The following IFT74 variants were observed in gnomAD, a reference collection of about 807,000 sequenced individuals.
The protein encoded by IFT74 is intraflagellar transport 74.
IFT74 carries 92 observed loss-of-function variants against 96.7 expected under a neutral mutation model. The observed-to-expected ratio is 0.95, with a 90% CI of 0.80 to 1.13. IFT74 has a LOEUF of 1.13. Ranked by LOEUF, IFT74 falls within the 50% of genes most tolerant of loss-of-function variation. The probability of loss-of-function intolerance (pLI) is 0.00; values close to 1 mark genes in which losing one functional copy is unlikely to be tolerated. For missense variants in IFT74, 811 were observed against 698.2 expected (o/e 1.16, Z -1.82); for synonymous variants, 223 against 213.2 (o/e 1.05, Z -0.40).
chr9:27,011,889 T>TC lies in IFT74; in HGVS notation c.727-17_727-16insC. 1 of 1,496,006 alleles carries TC rather than the reference T, an allele frequency of 6.7e-7. No homozygotes were observed. Among genetic ancestry groups the TC allele is most frequent in the Admixed American group, 2.3e-5 (1 of 43,794 alleles). 92.7% of individuals were successfully genotyped at this position (1,496,006 alleles called of 1,614,324 possible). A position where few individuals can be genotyped will look rare whatever the true frequency, so the allele number is the denominator to read the frequency against. ...AATGTAATTTGGATTTATGTTTGCTTTTTTTTTTCCACTTAGGAATTAGAT... is the reference window on the plus strand; with the variant it reads ...AATGTAATTTGGATTTATGTTTGCTTCTTTTTTTTCCACTTAGGAATTAGAT... On this transcript the variant is annotated splice_polypyrimidine_tract_variant and intron_variant, in intron 9 of 19. Transcript: ENST00000380062.
chr9:26,973,013 C>T (rs961414128), intron 2 of IFT74, among the ~76,000 whole-genome samples: 5 of 152,158 alleles, frequency 3.3e-5, no homozygotes, highest in South Asian at 2.1e-4. Context: ...TGACCAAAGA[C>T]GTTAGGGGAG....
chr9:26,983,965 A>G (rs544087960), intron 4 of IFT74: 1 of 201,834 alleles, frequency 5.0e-6, no homozygotes, highest in South Asian at 8.3e-5. Context: ...TGTATTTTGA[A>G]TAGAGATGGG....
At chr9:27,019,491 C>T (rs542865602) in intron 12 of IFT74, among the ~76,000 whole-genome samples, 27 of 151,672 alleles carry the variant, frequency 1.8e-4, no homozygotes, top group African/African-American at 6.3e-4. Context: ...GTTCTCTGTT[C>T]TGTTCCAAGG....
chr9:27,022,671 C>G (rs1829665723), intron 12 of IFT74, among the ~76,000 whole-genome samples: 1 of 146,160 alleles, frequency 6.8e-6, no homozygotes, highest in Non-Finnish European at 1.5e-5. Flanking sequence ...GAGACAGCGT[C>G]TTGCTCTGTC....
At chr9:26,987,336 C>T (rs766324213) in intron 6 of IFT74, among the ~76,000 whole-genome samples, 2 of 152,062 alleles carry the variant, frequency 1.3e-5, no homozygotes, top group African/African-American at 4.8e-5. Flanking sequence ...GTGATCCACC[C>T]GCCTCAGCCT....
chr9:26,976,867 A>G (rs1827151705), intron 2 of IFT74: 1 of 440,102 alleles, frequency 2.3e-6, no homozygotes, highest in Non-Finnish European at 4.5e-6. Flanking sequence ...TGCATACCTG[A>G]AGTAGAGAAT....
At chr9:27,006,831 GTTTTTTTTTTT>G (rs35534656) in intron 8 of IFT74, among the ~76,000 whole-genome samples, 1 of 64,342 alleles carries the variant, frequency 1.6e-5, no homozygotes, top group African/African-American at 6.1e-5. Flanking sequence ...ATTATTGTGT[GTTTTTTTTTTT>G]TTTTTTTTTT....
intron 1 of IFT74, 120 bp from the exon 2 acceptor site, chr9:26,961,829 T>C: frequency 2.1e-6 from 2 of 975,114 alleles, no homozygotes; most frequent in South Asian, 1.6e-5. Flanking sequence ...CTTGTAGTGG[T>C]ACACAGAACG....
At chr9:26,982,132 T>A (rs1300996332) in intron 4 of IFT74, among the ~76,000 whole-genome samples, 1 of 152,194 alleles carries the variant, frequency 6.6e-6, no homozygotes, top group Non-Finnish European at 1.5e-5. Flanking sequence ...ATCATTAAAA[T>A]GTTACCAGCT....
intron 2 of IFT74, among the ~76,000 whole-genome samples, chr9:26,963,905 T>C (rs1166095853): frequency 6.6e-6 from 1 of 152,128 alleles, no homozygotes; most frequent in Non-Finnish European, 1.5e-5. Flanking sequence ...TTCTCCCATT[T>C]TGTAGGTTGC....
chr9:27,004,382 G>C (rs117292791), intron 8 of IFT74, among the ~76,000 whole-genome samples: 1 of 152,240 alleles, frequency 6.6e-6, no homozygotes, highest in East Asian at 1.9e-4. Context: ...CTAAAGCATC[G>C]TTAGGTCTGA....
chr9:26,964,834 C>T lies in IFT74; in HGVS notation c.120+2747C>T, dbSNP rs893792622. Among the ~76,000 whole-genome samples the T allele has an allele frequency of 6.6e-5, 10 of 152,014 alleles. No individual in the cohort carries two copies. In the South Asian group the frequency reaches 8.3e-4, roughly 13 times the overall value. On this transcript the variant is annotated intron_variant, in intron 2 of 19. Coordinates refer to ENST00000380062, the MANE Select transcript of IFT74 (RefSeq NM_025103.4). ...GAGTGAAACAATATTCTGATTGCCA[C>T]GGCACCTGGAGGTAAACTCTAGTAA...
chr9:27,047,362 C>T lies in IFT74; in HGVS notation c.1197C>T (p.His399=). The change falls in exon 15 of 20, where the codon CAC becomes CAT. Residue 399 remains histidine (H), a synonymous_variant. Transcript: ENST00000380062. ...CCAACATTGTTGCACTCTTGGAGCA[C>T]TGCAGTCGAGTGAGTACCATGTGCC... ...IEANIVALLE[H]CSRNINRIEQ... The T allele has an allele frequency of 6.2e-7, 1 of 1,606,846 alleles. No individual in the cohort carries two copies.
chr9:26,965,354 G>T (rs923946023), intron 2 of IFT74, among the ~76,000 whole-genome samples: 5 of 152,070 alleles, frequency 3.3e-5, no homozygotes, highest in Admixed American at 1.3e-4. Context: ...TGGGTCCTAT[G>T]GTTAACTCAT....
At chr9:27,059,007 T>A (rs1219994990) in intron 18 of IFT74, among the ~76,000 whole-genome samples, 4 of 151,912 alleles carry the variant, frequency 2.6e-5, no homozygotes, top group Non-Finnish European at 4.4e-5. Flanking sequence ...ATACTGATAC[T>A]TCTTATGGAA....
At position 26,961,937 on chromosome 9, in the gene IFT74, G is replaced by A. The variant is rs1224093742; in HGVS notation, c.-19-12G>A. The stretch of plus-strand genomic sequence containing the variant: ...ACATCAAAGGATTGAACTATTTATT[G>A]TTTCCAAACAGCGATTAAAGTGAAG... On this transcript the variant is annotated splice_polypyrimidine_tract_variant and intron_variant, in intron 1 of 19. Coordinates refer to ENST00000380062, the MANE Select transcript of IFT74 (RefSeq NM_025103.4). The A allele has an allele frequency of 1.9e-6, 3 of 1,613,736 alleles. No homozygotes were observed. The highest frequency in any genetic ancestry group is 2.5e-6 in the Non-Finnish European group (3 of 1,179,716).
intron 13 of IFT74, among the ~76,000 whole-genome samples, chr9:27,038,257 T>A (rs1039661352): frequency 4.0e-5 from 6 of 151,778 alleles, no homozygotes; most frequent in Non-Finnish European, 7.4e-5. Context: ...GGAATATGGT[T>A]TTGTTTTTGT....
rs1260005927 is a variant in IFT74, at chr9:26,984,573, T to A, written c.465+14T>A. ...GACTACAACATGGTATTTTATCTTT[T>A]CTAAGAGAATTTACTGTTAATATTT... is the stretch of plus-strand genomic sequence containing the variant. On this transcript the variant is annotated intron_variant, in intron 6 of 19. Coordinates refer to ENST00000380062, the MANE Select transcript of IFT74 (RefSeq NM_025103.4). The A allele has an allele frequency of 8.8e-6, 14 of 1,585,662 alleles. No homozygotes were observed. Among genetic ancestry groups the A allele is most frequent in the African/African-American group, 1.3e-5 (1 of 74,254 alleles).
At chr9:27,034,629 A>G (rs1819082454) in intron 13 of IFT74, among the ~76,000 whole-genome samples, 1 of 152,176 alleles carries the variant, frequency 6.6e-6, no homozygotes, top group South Asian at 2.1e-4. Context: ...CTCAGGTTCA[A>G]ACAATTCTCC....
Sources: gnomAD v4.1 joint callset for allele counts (sites outside exome capture counted in the v4.1 genomes callset) on GRCh38, gnomAD v4.1.1 for gene constraint, MANE v1.5 for transcripts, NCBI Gene and HGNC (gene_info 2026-07-23, HGNC 2026-07-21) for gene names.